Variants in CCDC102B observed in about 807,000 individuals in gnomAD.
CCDC102B encodes coiled-coil domain-containing protein 102B.
CCDC102B carries 75 observed loss-of-function variants against 57.4 expected under a neutral mutation model. The ratio of observed to expected loss-of-function variants is 1.31; its 90% CI spans 1.08 to 1.58. The LOEUF (loss-of-function observed/expected upper bound fraction) is 1.58, where lower values mean the gene tolerates loss of function less well. Ranked by LOEUF, CCDC102B falls within the 40% of genes most tolerant of loss-of-function variation. The pLI is 0.00. For missense variants in CCDC102B, 636 were observed against 582.6 expected (o/e 1.09, Z -0.94); for synonymous variants, 206 against 201.9 (o/e 1.02, Z -0.17).
intron 6 of CCDC102B, among the ~76,000 whole-genome samples, chr18:68,972,364 G>A (rs1191128397): frequency 6.6e-6 from 1 of 152,134 alleles, no homozygotes; most frequent in Non-Finnish European, 1.5e-5. Context: ...TGCAGAAGGG[G>A]TGTGCTTACA....
chr18:69,000,869 A>T (rs1460161957), intron 6 of CCDC102B, among the ~76,000 whole-genome samples: 1 of 152,136 alleles, frequency 6.6e-6, no homozygotes, highest in East Asian at 1.9e-4. Context: ...GAATTGCTAT[A>T]CTTCTATTTT....
chr18:68,973,272 C>T lies in CCDC102B; in HGVS notation c.1264-37662C>T, dbSNP rs533257339. Among the ~76,000 whole-genome samples, 7 of 151,952 alleles carry T rather than the reference C, an allele frequency of 4.6e-5. No homozygotes were observed. The East Asian group carries it at 7.7e-4, about 17-fold the overall frequency. On this transcript the variant is annotated intron_variant, in intron 6 of 7. Transcript: ENST00000360242. ...ACAAACTTGTCATTTATTGAGACTGCGTGTAAGTCTATATAAAAAAACCCC... is the reference window on the plus strand; with the variant it reads ...ACAAACTTGTCATTTATTGAGACTGTGTGTAAGTCTATATAAAAAAACCCC...
At chr18:68,965,557 A>G (rs1029552919) in intron 6 of CCDC102B, among the ~76,000 whole-genome samples, 1 of 151,562 alleles carries the variant, frequency 6.6e-6, no homozygotes, top group African/African-American at 2.4e-5. Flanking sequence ...ACATGTATAC[A>G]TATGCAACAA....
chr18:68,733,315 A>G lies in CCDC102B; in HGVS notation c.-67+16721A>G, dbSNP rs187747418. ...CATTAAAGAACAGGGGAGAAATGTC[A>G]TCGCATCTTGGTTCCTTAATCTGTC... On this transcript the variant is annotated intron_variant, in intron 2 of 3. Coordinates refer to the CCDC102B transcript ENST00000578970. Among the ~76,000 whole-genome samples, 12 of 152,146 alleles carry G rather than the reference A, an allele frequency of 7.9e-5. No individual in the cohort carries two copies. The East Asian group carries it at 1.7e-3, about 22-fold the overall frequency.
chr18:68,879,590 A>G (rs1003266021), intron 5 of CCDC102B, among the ~76,000 whole-genome samples: 3 of 152,060 alleles, frequency 2.0e-5, no homozygotes, highest in Non-Finnish European at 4.4e-5. Flanking sequence ...GCCCCACCAG[A>G]GTAGCTAGAT....
intron 4 of CCDC102B, among the ~76,000 whole-genome samples, chr18:68,863,178 T>TTATATA (rs60979864): frequency 4.7e-5 from 7 of 150,098 alleles, no homozygotes; most frequent in Admixed American, 6.7e-5. Context: ...TAAGGTGTGT[T>TTATATA]TATATATATA....
intron 1 of CCDC102B, among the ~76,000 whole-genome samples, chr18:68,815,582 A>T (rs2036440618): frequency 6.6e-6 from 1 of 152,050 alleles, no homozygotes; most frequent in Non-Finnish European, 1.5e-5. Context: ...TAACCAGAGC[A>T]TGGGAACACA....
rs553686609 is a variant in CCDC102B at position 68,765,129 on chromosome 18, G to C, written c.-67+48535G>C. Among the ~76,000 whole-genome samples the C allele has an allele frequency of 6.7e-5, 10 of 150,304 alleles. No individual in the cohort carries two copies. In the East Asian group the frequency reaches 1.4e-3, roughly 20 times the overall value. On this transcript the variant is annotated intron_variant, in intron 2 of 3. Transcript: ENST00000578970. ...TCCCAGCTACTCTGGAGACTGAAGT[G>C]GGGGGGATTGCTTGAGCCCAGGAAT...
At chr18:68,878,085 A>G (rs1467866103) in intron 5 of CCDC102B, among the ~76,000 whole-genome samples, 2 of 152,152 alleles carry the variant, frequency 1.3e-5, no homozygotes, top group Non-Finnish European at 2.9e-5. Context: ...GATTTGTTCT[A>G]TATTTGACTC....
At position 68,762,751 on chromosome 18, in the gene CCDC102B, A is replaced by G. The variant is rs138725077; in HGVS notation, c.-67+46157A>G. On this transcript the variant is annotated intron_variant, in intron 2 of 3. Transcript: ENST00000578970. Reference sequence around the variant, plus strand: ...GAATTCATGCTACTTTTGCTGATGCACCTCACACTGTAAACGTTACTGCCA... The same window carrying G: ...GAATTCATGCTACTTTTGCTGATGCGCCTCACACTGTAAACGTTACTGCCA... Among the ~76,000 whole-genome samples the G allele has an allele frequency of 3.1e-3, 479 of 152,210 alleles. 2 individuals carry two copies. The highest frequency in any genetic ancestry group is 5.0e-3 in the Non-Finnish European group (343 of 68,016).
intron 7 of CCDC102B, among the ~76,000 whole-genome samples, chr18:69,041,918 A>G (rs548385586): frequency 3.0e-4 from 46 of 152,062 alleles, no homozygotes; most frequent in African/African-American, 9.2e-4. Flanking sequence ...CTTGGAGTTT[A>G]TCACAAAGTA....
intron 3 of CCDC102B, among the ~76,000 whole-genome samples, chr18:68,840,248 C>T (rs1448872789): frequency 2.0e-5 from 3 of 152,038 alleles, no homozygotes; most frequent in African/African-American, 4.8e-5. Context: ...CATATATACA[C>T]ACAATGTATT....
intron 5 of CCDC102B, among the ~76,000 whole-genome samples, chr18:68,889,590 T>C (rs1322960434): frequency 2.0e-5 from 3 of 151,898 alleles, no homozygotes; most frequent in Non-Finnish European, 4.4e-5. Context: ...CGGCTAATTT[T>C]TGTTTGTTTG....
Position 68,925,725 on chromosome 18 carries a change from C to T in CCDC102B, c.1263+28297C>T, listed in dbSNP as rs116845190. ...TTTTAAAAGTGGAAGATGTTATTTTCAGCCAGTAGATGTTTGGGAAGATAT... is the reference window on the plus strand; with the variant it reads ...TTTTAAAAGTGGAAGATGTTATTTTTAGCCAGTAGATGTTTGGGAAGATAT... On this transcript the variant is annotated intron_variant, in intron 6 of 7. Coordinates refer to ENST00000360242, the MANE Select transcript of CCDC102B (RefSeq NM_024781.3). 2.1e-3 allele frequency among the ~76,000 whole-genome samples: 323 copies of T among 152,052 alleles called. 7 individuals are homozygous for T. The East Asian group carries it at 0.049, about 23-fold the overall frequency.
At chr18:68,809,623 T>G (rs1354699519) in intron 1 of CCDC102B, among the ~76,000 whole-genome samples, 1 of 152,220 alleles carries the variant, frequency 6.6e-6, no homozygotes, top group East Asian at 1.9e-4. Context: ...CTCATTTCCA[T>G]GAGTCAGATT....
At chr18:68,857,573 A>G (rs1450955002) in intron 4 of CCDC102B, among the ~76,000 whole-genome samples, 3 of 150,572 alleles carry the variant, frequency 2.0e-5, no homozygotes, top group African/African-American at 7.3e-5. Context: ...CTAATGCTCA[A>G]TACAAAACCA....
At chr18:68,800,623 G>T (rs1013909519) in intron 1 of CCDC102B, among the ~76,000 whole-genome samples, 7 of 152,064 alleles carry the variant, frequency 4.6e-5, no homozygotes, top group African/African-American at 1.7e-4. Flanking sequence ...TCACAAATGA[G>T]ATGTGTGAGG....
At chr18:68,877,537 A>G (rs919039502) in intron 5 of CCDC102B, among the ~76,000 whole-genome samples, 2 of 152,230 alleles carry the variant, frequency 1.3e-5, no homozygotes, top group African/African-American at 4.8e-5. Context: ...GTCTACACTA[A>G]CATGCTAATT....
chr18:68,997,191 T>G (rs866870848), intron 6 of CCDC102B, among the ~76,000 whole-genome samples: 2 of 152,150 alleles, frequency 1.3e-5, no homozygotes, highest in Non-Finnish European at 2.9e-5. Context: ...CCTCTTTTCT[T>G]CATAAATTAT....
Sources: gnomAD v4.1 joint callset for allele counts (sites outside exome capture counted in the v4.1 genomes callset) on GRCh38, gnomAD v4.1.1 for gene constraint, MANE v1.5 for transcripts, NCBI Gene and HGNC (gene_info 2026-07-23, HGNC 2026-07-21) for gene names.